Variants in EPHA7 observed in about 807,000 individuals in gnomAD.
The protein encoded by EPHA7 is ephrin type-A receptor 7.
A neutral mutation model predicts 112.6 loss-of-function variants in EPHA7; 25 were observed. The observed-to-expected ratio is 0.22, with a 90% confidence interval of 0.16 to 0.31. EPHA7 has a LOEUF of 0.31. EPHA7 is among the 10% of genes least tolerant of loss of function. The pLI is 1.00. For synonymous variants in EPHA7, 437 were observed against 406.5 expected (o/e 1.07, Z -0.90); for missense variants, 962 against 1,212.6 (o/e 0.79, Z 3.07).
In EPHA7 at chr6:93,244,973, T is replaced by C. The variant is rs567415885; in HGVS notation, c.2882+325A>G. On this transcript the variant is annotated intron_variant, in intron 16 of 16. Coordinates refer to ENST00000369303, the MANE Select transcript of EPHA7 (RefSeq NM_004440.4). ...ACTGGATGGTGTTTAGAACACCAGC[T>C]ATGGAGCCAAATTAGTTATTACTTA... 4.2e-3 allele frequency among the ~76,000 whole-genome samples: 636 copies of C among 152,254 alleles called. 3 individuals are homozygous for C. The highest frequency in any genetic ancestry group is 0.015 in the African/African-American group (610 of 41,552).
intron 5 of EPHA7, among the ~76,000 whole-genome samples, chr6:93,300,254 G>C (rs1244558064): frequency 6.6e-6 from 1 of 152,202 alleles, no homozygotes; most frequent in Admixed American, 6.5e-5. Flanking sequence ...ACAGGATTCA[G>C]TGATAGTTGA....
chr6:93,410,424 T>C lies in EPHA7; in HGVS notation c.832+77A>G. 3.0e-6 allele frequency: 4 copies of C among 1,332,208 alleles called. No individual in the cohort carries two copies. Among genetic ancestry groups the C allele is most frequent in the Non-Finnish European group, 4.1e-6 (4 of 964,150 alleles). 82.5% of individuals were successfully genotyped at this position (1,332,208 alleles called of 1,614,324 possible). Reference sequence around the variant, plus strand: ...TACAGAGCAGATTCACGTATTCAAATAACTATTAAAGTTTAAAATGTCTGA... The same window carrying C: ...TACAGAGCAGATTCACGTATTCAAACAACTATTAAAGTTTAAAATGTCTGA... On this transcript the variant is annotated intron_variant, in intron 3 of 16. Transcript: ENST00000369303. The surrounding 1 kb of genome is among the most constrained non-coding windows in gnomAD (Gnocchi z 4.0).
At chr6:93,376,479 CA>C (rs1434208303) in intron 3 of EPHA7, among the ~76,000 whole-genome samples, 1 of 152,068 alleles carries the variant, frequency 6.6e-6, no homozygotes, top group African/African-American at 2.4e-5. Flanking sequence ...AGTCTGCCAC[CA>C]AATAACTGAC....
Position 93,380,866 on chromosome 6 carries a change from T to C in EPHA7, c.833-22455A>G, listed in dbSNP as rs1392815595. 2.0e-5 allele frequency among the ~76,000 whole-genome samples: 3 copies of C among 152,122 alleles called. No homozygotes were observed. The East Asian group carries it at 5.8e-4, about 29-fold the overall frequency. ...TGTGTTACTATTAAAAACCCTGTTTTTTCACTTATTCATGAATGTATTGGC... is the reference window on the plus strand; with the variant it reads ...TGTGTTACTATTAAAAACCCTGTTTCTTCACTTATTCATGAATGTATTGGC... On this transcript the variant is annotated intron_variant, in intron 3 of 16. Coordinates refer to ENST00000369303, the MANE Select transcript of EPHA7 (RefSeq NM_004440.4).
Position 93,419,125 on chromosome 6 carries a change from G to C in EPHA7, c.97+120C>G, listed in dbSNP as rs996214146. On this transcript the variant is annotated intron_variant, in intron 1 of 16. Transcript: ENST00000369303. ...CTCAGCGGTGAGGGGGCGGGGAGCC[G>C]GCGGGGGAGGGTCGCCCGGCGCCGG... 2.5e-5 allele frequency: 18 copies of C among 722,682 alleles called. No homozygotes were observed. The Admixed American group carries it at 4.5e-4, about 18-fold the overall frequency. 44.8% of individuals were successfully genotyped at this position (722,682 alleles called of 1,614,324 possible). A position where few individuals can be genotyped will look rare whatever the true frequency, so the allele number is the denominator to read the frequency against.
chr6:93,417,940 A>G (rs1365336445), intron 1 of EPHA7, among the ~76,000 whole-genome samples: 1 of 152,030 alleles, frequency 6.6e-6, no homozygotes, highest in Non-Finnish European at 1.5e-5. Context: ...AACTAAGAGG[A>G]GTGCACGATG....
intron 5 of EPHA7, among the ~76,000 whole-genome samples, chr6:93,308,032 AG>A (rs1343234681): frequency 6.6e-6 from 1 of 152,164 alleles, no homozygotes; most frequent in Admixed American, 6.5e-5. Flanking sequence ...CTCTTGGTGC[AG>A]GGTGTAGGCT....
At chr6:93,301,821 C>T (rs1033643178) in intron 5 of EPHA7, among the ~76,000 whole-genome samples, 3 of 152,180 alleles carry the variant, frequency 2.0e-5, no homozygotes, top group Admixed American at 6.5e-5. Flanking sequence ...ACCACAACTA[C>T]CCAGTACTCC....
intron 3 of EPHA7, among the ~76,000 whole-genome samples, chr6:93,366,516 A>T (rs1776518415): frequency 6.6e-6 from 1 of 152,208 alleles, no homozygotes; most frequent in Non-Finnish European, 1.5e-5. Context: ...TGTTTCTACC[A>T]TCATCAGCCT....
At chr6:93,405,152 T>C (rs984999441) in intron 3 of EPHA7, among the ~76,000 whole-genome samples, 1 of 151,910 alleles carries the variant, frequency 6.6e-6, no homozygotes, top group Middle Eastern at 3.2e-3. Flanking sequence ...GACTACCATC[T>C]ACTCTTTTTC....
intron 3 of EPHA7, among the ~76,000 whole-genome samples, chr6:93,405,839 AT>A (rs1778691972): frequency 7.3e-6 from 1 of 137,702 alleles, no homozygotes; most frequent in Non-Finnish European, 1.6e-5. Flanking sequence ...ATATATATAT[AT>A]ATATATATAT....
intron 5 of EPHA7, among the ~76,000 whole-genome samples, chr6:93,287,213 C>G (rs1214722968): frequency 6.6e-6 from 1 of 152,116 alleles, no homozygotes; most frequent in Non-Finnish European, 1.5e-5. Context: ...AAAATTGTTT[C>G]TCAAGCCTAT....
rs141337487 is a variant in EPHA7 at position 93,310,585 on chromosome 6, A to G, written c.1325-38163T>C. On this transcript the variant is annotated intron_variant, in intron 5 of 16. Transcript: ENST00000369303. Reference sequence around the variant, plus strand: ...GAGGCTGAGGCAGAAAATTGCTTGAACCCGGGGGATGGAGGTTGCAGTGAG... The same window carrying G: ...GAGGCTGAGGCAGAAAATTGCTTGAGCCCGGGGGATGGAGGTTGCAGTGAG... Among the ~76,000 whole-genome samples the G allele has an allele frequency of 4.2e-3, 630 of 150,486 alleles. 5 individuals carry two copies. Among genetic ancestry groups the G allele is most frequent in the African/African-American group, 0.015 (601 of 40,874 alleles).
chr6:93,418,912 C>T (rs1245955184), intron 1 of EPHA7, among the ~76,000 whole-genome samples: 2 of 152,196 alleles, frequency 1.3e-5, no homozygotes, highest in Non-Finnish European at 2.9e-5. Flanking sequence ...AGATGTGACC[C>T]GCCTGAGGTA....
chr6:93,280,865 C>CAACAAATTT (rs1771701784), intron 5 of EPHA7, among the ~76,000 whole-genome samples: 1 of 152,032 alleles, frequency 6.6e-6, no homozygotes, highest in Non-Finnish European at 1.5e-5. Context: ...ATTAAAATTA[C>CAACAAATTT]TGATACCTGG....
chr6:93,350,670 G>A (rs986545607), intron 5 of EPHA7, among the ~76,000 whole-genome samples: 29 of 151,912 alleles, frequency 1.9e-4, no homozygotes, highest in African/African-American at 7.0e-4. Context: ...CCTGATGGCA[G>A]ATTCTTTGAA....
chr6:93,374,345 CTA>C (rs1316199222), intron 3 of EPHA7, among the ~76,000 whole-genome samples: 1 of 152,068 alleles, frequency 6.6e-6, no homozygotes, highest in Non-Finnish European at 1.5e-5. Context: ...GACAAATACT[CTA>C]TGTTTCTATC....
At chr6:93,307,804 C>T (rs1773333423) in intron 5 of EPHA7, among the ~76,000 whole-genome samples, 1 of 152,172 alleles carries the variant, frequency 6.6e-6, no homozygotes, top group South Asian at 2.1e-4. Context: ...GAGGATAGTA[C>T]TACTACTCAT....
chr6:93,343,230 A>T (rs1232960014), intron 5 of EPHA7, among the ~76,000 whole-genome samples: 1 of 151,716 alleles, frequency 6.6e-6, no homozygotes, highest in Non-Finnish European at 1.5e-5. Context: ...AAATTAAAAC[A>T]TAATCAAATT....
Sources: gnomAD v4.1 joint callset for allele counts (sites outside exome capture counted in the v4.1 genomes callset) on GRCh38, gnomAD v4.1.1 for gene constraint, Gnocchi (gnomAD v3.1) non-coding constraint, MANE v1.5 for transcripts, NCBI Gene and HGNC (gene_info 2026-07-23, HGNC 2026-07-21) for gene names.